ELOVL5: variants seen among roughly 807,000 people sequenced by gnomAD.
ELOVL5 encodes the protein very long chain fatty acid elongase 5.
Under a neutral mutation model 38.6 loss-of-function variants are expected in ELOVL5, and 8 were observed. The ratio of observed to expected loss-of-function variants is 0.21; its 90% CI spans 0.12 to 0.37. The LOEUF is 0.37. Ranked by LOEUF, ELOVL5 falls within the 10% of genes least tolerant of loss-of-function variation. The pLI is 1.00. For synonymous variants in ELOVL5, 127 were observed against 133.7 expected (o/e 0.95, Z 0.34); for missense variants, 280 against 367.8 (o/e 0.76, Z 1.95).
At chr6:53,323,586 T>TG (rs1554138987) in intron 1 of ELOVL5, among the ~76,000 whole-genome samples, 1,545 of 142,870 alleles carry the variant, frequency 0.011, 28 homozygotes, top group African/African-American at 0.04. Context: ...CTTTTTTTTT[T>TG]TTTTTTTTTT....
intron 1 of ELOVL5, among the ~76,000 whole-genome samples, chr6:53,297,077 T>C (rs1381489354): frequency 6.6e-6 from 1 of 152,176 alleles, no homozygotes; most frequent in Non-Finnish European, 1.5e-5. Flanking sequence ...TCCTGACAGC[T>C]TTCCTGCCCA....
At chr6:53,319,154 C>T (rs936173272) in intron 1 of ELOVL5, among the ~76,000 whole-genome samples, 2 of 151,506 alleles carry the variant, frequency 1.3e-5, no homozygotes, top group East Asian at 3.9e-4. Flanking sequence ...GCCTGTAGTC[C>T]CAGCTACTCG....
intron 1 of ELOVL5, among the ~76,000 whole-genome samples, chr6:53,336,059 G>A (rs1423411091): frequency 6.6e-6 from 1 of 152,144 alleles, no homozygotes; most frequent in African/African-American, 2.4e-5. Context: ...ATTTTGGCAT[G>A]TCCATCGCTG....
intron 1 of ELOVL5, among the ~76,000 whole-genome samples, chr6:53,344,524 G>A (rs954312637): frequency 6.6e-6 from 1 of 152,158 alleles, no homozygotes; most frequent in Non-Finnish European, 1.5e-5. Flanking sequence ...CTTAGGAGAC[G>A]GAGCAGGCCA....
chr6:53,311,691 G>C (rs982493908), intron 1 of ELOVL5, among the ~76,000 whole-genome samples: 1 of 152,158 alleles, frequency 6.6e-6, no homozygotes, highest in Non-Finnish European at 1.5e-5. Context: ...TATCATGAAT[G>C]AATCTGGAAA....
In ELOVL5 at chr6:53,268,910, G is replaced by A. The variant is rs149100764; in HGVS notation, c.*217C>T. 9.4e-4 allele frequency: 468 copies of A among 495,912 alleles called. 4 individuals are homozygous for A. In the East Asian group the frequency reaches 0.011, roughly 12 times the overall value. The allele number at this position is 495,912 out of a possible 1,614,324, so 30.7% of individuals were successfully genotyped here. On this transcript the variant is annotated 3_prime_UTR_variant, in exon 8 of 8. Transcript: ENST00000304434. ...TAATACTCCCTTTCCACAGTCTAGC[G>A]CAGGGGTCAGAGAGCCCAGAAATGT...
intron 1 of ELOVL5, among the ~76,000 whole-genome samples, chr6:53,301,171 C>T (rs1767233419): frequency 1.3e-5 from 2 of 152,168 alleles, no homozygotes. Flanking sequence ...ACCTACTTTG[C>T]ACAAGATGCC....
chr6:53,273,320 C>T lies in ELOVL5; in HGVS notation c.521G>A (p.Ser174Asn), dbSNP rs752544208. ...GHSYFGATLN[S>N]FIHVLMYSYY... ...AGAGTACATGAGGACGTGGATGAAGCTATTAAGTGTGGCACCAAAATAAGC... is the reference window on the plus strand; with the variant it reads ...AGAGTACATGAGGACGTGGATGAAGTTATTAAGTGTGGCACCAAAATAAGC... The change falls in exon 6 of 8, where the codon AGC becomes AAC. Residue 174 changes from serine to asparagine, a missense_variant. Around this residue, in one of 3 missense-constraint regions of ELOVL5, gnomAD observed 125 missense variants for 158.9 expected, o/e 0.79. Coordinates refer to ENST00000304434, the MANE Select transcript of ELOVL5 (RefSeq NM_021814.5). The T allele has an allele frequency of 1.9e-6, 3 of 1,613,308 alleles. No individual in the cohort carries two copies. The highest frequency in any genetic ancestry group is 2.5e-6 in the Non-Finnish European group (3 of 1,179,664).
chr6:53,279,248 ACT>A (rs1273660569), intron 3 of ELOVL5, among the ~76,000 whole-genome samples: 2 of 152,124 alleles, frequency 1.3e-5, no homozygotes, highest in African/African-American at 4.8e-5. Context: ...GGCAGTGACC[ACT>A]GTTTTATTCT....
At chr6:53,271,228 TAG>T (rs1372181328) in intron 6 of ELOVL5, among the ~76,000 whole-genome samples, 3 of 152,200 alleles carry the variant, frequency 2.0e-5, no homozygotes, top group Non-Finnish European at 4.4e-5. Flanking sequence ...GTGAACTGGT[TAG>T]AGAAATGGTG....
intron 1 of ELOVL5, among the ~76,000 whole-genome samples, chr6:53,333,139 A>G (rs926586): frequency 0.36 from 54,907 of 151,360 alleles, 10,891 homozygotes; most frequent in African/African-American, 0.56. Context: ...TGTAGAGAAC[A>G]GTGTTAAAGA....
intron 1 of ELOVL5, among the ~76,000 whole-genome samples, chr6:53,303,864 T>A (rs544040421): frequency 2.3e-4 from 35 of 152,146 alleles, no homozygotes; most frequent in Non-Finnish European, 4.3e-4. Context: ...AAGTGGAGAG[T>A]CACACCAGTG....
intron 3 of ELOVL5, among the ~76,000 whole-genome samples, chr6:53,282,645 G>A (rs1346124545): frequency 6.6e-6 from 1 of 152,184 alleles, no homozygotes; most frequent in Non-Finnish European, 1.5e-5. Context: ...AAGTATTCTA[G>A]GCAATGATCA....
chr6:53,312,148 T>G (rs1767865989), intron 1 of ELOVL5, among the ~76,000 whole-genome samples: 1 of 152,180 alleles, frequency 6.6e-6, no homozygotes, highest in South Asian at 2.1e-4. Context: ...GAAATTATAG[T>G]ATAGGAATAT....
intron 1 of ELOVL5, among the ~76,000 whole-genome samples, chr6:53,315,794 G>A (rs1010998273): frequency 1.3e-5 from 2 of 152,176 alleles, no homozygotes; most frequent in African/African-American, 4.8e-5. Flanking sequence ...AGCTGTCAGT[G>A]GAGGACAGAT....
intron 1 of ELOVL5, among the ~76,000 whole-genome samples, chr6:53,323,576 CTTTTTT>C (rs3063792): frequency 1.2e-5 from 1 of 81,546 alleles, no homozygotes; most frequent in Non-Finnish European, 2.2e-5. Context: ...TACTAGCCAG[CTTTTTT>C]TTTTTTTTTT....
intron 2 of ELOVL5, chr6:53,294,411 A>T: frequency 6.4e-7 from 1 of 1,551,344 alleles, no homozygotes; most frequent in Non-Finnish European, 8.7e-7. Context: ...TCTTCCTCTG[A>T]ATGTGCTGCT....
intron 2 of ELOVL5, 129 bp from the exon 3 acceptor site, chr6:53,292,092 C>A: frequency 1.8e-6 from 1 of 546,346 alleles, no homozygotes. Context: ...ATAAAGCAAT[C>A]AGGAGAGGAG....
intron 3 of ELOVL5, among the ~76,000 whole-genome samples, chr6:53,279,001 C>T (rs1355798203): frequency 1.3e-5 from 2 of 152,122 alleles, no homozygotes; most frequent in Non-Finnish European, 1.5e-5. Flanking sequence ...TCCCATTCTC[C>T]AAACATGCCC....
Sources: allele counts gnomAD v4.1 joint callset (sites outside exome capture counted in the v4.1 genomes callset), GRCh38; gene constraint gnomAD v4.1.1; regional missense constraint gnomAD v4.1.1; transcripts MANE v1.5; gene names NCBI Gene and HGNC (gene_info 2026-07-23, HGNC 2026-07-21).